Variants in LRP4 observed in about 807,000 individuals in gnomAD.
LRP4 encodes the protein low-density lipoprotein receptor-related protein 4.
In LRP4, 95 loss-of-function variants were observed where a neutral mutation model predicts 220.3. The observed-to-expected ratio is 0.43, with a 90% CI of 0.37 to 0.51. The LOEUF is 0.51. LRP4 is among the 20% of genes least tolerant of loss of function. LRP4 has a pLI of 0.00. For missense variants in LRP4, 1,925 were observed against 2,567.0 expected, an observed-to-expected ratio of 0.75 and a Z score of 5.40; for synonymous variants, 903 against 954.6, an observed-to-expected ratio of 0.95 and a Z score of 1.00.
chr11:46,886,495 T>C lies in LRP4; in HGVS notation c.2254A>G (p.Ile752Val). 3 of 1,614,184 alleles carry C rather than the reference T, an allele frequency of 1.9e-6. No homozygotes were observed. Among genetic ancestry groups the C allele is most frequent in the South Asian group, 1.1e-5 (1 of 91,080 alleles). The change falls in exon 17 of 38, where the codon ATC (isoleucine) becomes GTC (valine). Residue 752 changes from isoleucine (I) to valine (V), a missense_variant. This residue lies in a region of LRP4 where 1,244 missense variants were observed against 1,624.9 expected (regional missense o/e 0.77). Coordinates refer to ENST00000378623, the MANE Select transcript of LRP4 (RefSeq NM_002334.4). ...KFLLFARRMD[I>V]RRISFDTEDL... ...TCTGTGTCAAAGCTGATTCGACGGA[T>C]GTCCATCCTTCGGGCAAAAAGCAGG... is the stretch of plus-strand genomic sequence containing the variant.
chr11:46,875,239 G>C lies in LRP4; in HGVS notation c.3926-136C>G, dbSNP rs1002778827. The C allele has an allele frequency of 9.9e-7, 1 of 1,009,544 alleles. No individual in the cohort carries two copies. The highest frequency in any genetic ancestry group is 1.5e-6 in the Non-Finnish European group (1 of 668,176). The allele number at this position is 1,009,544 out of a possible 1,614,324, so 62.5% of individuals were successfully genotyped here. The stretch of plus-strand genomic sequence containing the variant: ...AGTGCCTGGCAGGGTGAGGTAGAAG[G>C]AGGGTCTGCAGGAGGATCTCCAGGA... On this transcript the variant is annotated intron_variant, in intron 27 of 37. Transcript: ENST00000378623. The surrounding 1 kb of genome is among the most constrained non-coding windows in gnomAD (Gnocchi z 4.5).
In LRP4 at chr11:46,890,325, C is replaced by T. The variant is rs1349342637; in HGVS notation, c.1867G>A (p.Glu623Lys). The T allele has an allele frequency of 3.1e-6, 5 of 1,614,038 alleles. No individual in the cohort carries two copies. Among genetic ancestry groups the T allele is most frequent in the Non-Finnish European group, 2.5e-6 (3 of 1,180,042 alleles). ...YWVDAKHHVI[E>K]RANLDGSHRK... Reference sequence around the variant, plus strand: ...TGACTCCCATCCAGATTGGCCCTCTCGATGACATGGTGCTTAGCATCCACC... The same window carrying T: ...TGACTCCCATCCAGATTGGCCCTCTTGATGACATGGTGCTTAGCATCCACC... The change falls in exon 14 of 38, where the codon GAG becomes AAG. Residue 623 changes from glutamate (E) to lysine (K), a missense_variant. By Grantham distance (56) the Glu-to-Lys change is moderately conservative (BLOSUM62 1). This residue lies in a region of LRP4 where 269 missense variants were observed against 436.7 expected (regional missense o/e 0.62). Coordinates refer to ENST00000378623, the MANE Select transcript of LRP4 (RefSeq NM_002334.4). This position sits in a 1 kb window ranked among gnomAD's most constrained non-coding sequence, Gnocchi z 5.3.
rs773770584 is a variant in LRP4, at chr11:46,898,666, G to C, written c.688C>G (p.Pro230Ala). Residue 230 changes from proline to alanine, a missense_variant, in exon 7 of 38, where the codon CCC becomes GCC. This residue lies in a region of LRP4 where 412 missense variants were observed against 505.4 expected (regional missense o/e 0.82). Coordinates refer to ENST00000378623, the MANE Select transcript of LRP4 (RefSeq NM_002334.4). ...CACATGAACTCCCCAGAGCGGCAGGGCTGGTGGGAGGCTAGGGAAACACAA... is the reference window on the plus strand; with the variant it reads ...CACATGAACTCCCCAGAGCGGCAGGCCTGGTGGGAGGCTAGGGAAACACAA... ...SDESDCSSHQ[P>A]CRSGEFMCDS... 17 of 1,613,970 alleles carry C rather than the reference G, an allele frequency of 1.1e-5. No homozygotes were observed. In the Admixed American group the frequency reaches 2.8e-4, roughly 27 times the overall value.
At chr11:46,903,766 T>G (rs1235216610) in intron 1 of LRP4, among the ~76,000 whole-genome samples, 3 of 152,192 alleles carry the variant, frequency 2.0e-5, no homozygotes, top group Non-Finnish European at 1.5e-5. Flanking sequence ...GGAAGCAGGG[T>G]GGGCTGCTCT....
At chr11:46,916,944 G>C (rs1381560226) in intron 1 of LRP4, among the ~76,000 whole-genome samples, 1 of 152,234 alleles carries the variant, frequency 6.6e-6, no homozygotes, top group African/African-American at 2.4e-5. Flanking sequence ...AGAGAGCCGG[G>C]GAGGGGAGAG....
rs763672403 is a variant in LRP4 at position 46,881,876 on chromosome 11, C to T, written c.2640G>A (p.Ala880=). 3.1e-6 allele frequency: 5 copies of T among 1,614,188 alleles called. No individual in the cohort carries two copies. Among genetic ancestry groups the T allele is most frequent in the African/African-American group, 1.3e-5 (1 of 75,036 alleles). ...GGYMYWTDWG[A]SPKIERAGMD... ...TGCCAGCTCGTTCAATCTTGGGGCTCGCACCCCAGTCAGTCCAATACATGT... is the reference window on the plus strand; with the variant it reads ...TGCCAGCTCGTTCAATCTTGGGGCTTGCACCCCAGTCAGTCCAATACATGT... Residue 880 remains alanine (A), a synonymous_variant, in exon 20 of 38, where the codon GCG becomes GCA. Transcript: ENST00000378623.
chr11:46,863,259 G>C (rs1398750786), intron 36 of LRP4, among the ~76,000 whole-genome samples: 1 of 152,142 alleles, frequency 6.6e-6, no homozygotes, highest in Non-Finnish European at 1.5e-5. Flanking sequence ...GAGGCACCTA[G>C]CTAAGCTGCA....
chr11:46,873,463 C>G lies in LRP4; in HGVS notation c.4360G>C (p.Ala1454Pro). 1 of 1,614,216 alleles carries G rather than the reference C, an allele frequency of 6.2e-7. No individual in the cohort carries two copies. Among genetic ancestry groups the G allele is most frequent in the Non-Finnish European group, 8.5e-7 (1 of 1,180,038 alleles). The change falls in exon 29 of 38, where the codon GCG becomes CCG. Residue 1454 changes from alanine (A) to proline (P), a missense_variant. Transcript: ENST00000378623. The surrounding 1 kb of genome is among the most constrained non-coding windows in gnomAD (Gnocchi z 4.2). ...WTDTGRNTIE[A>P]SRLDGSCRKV... ...CGGCAGGAACCATCCAGCCTGGACG[C>G]CTCAATGGTATTTCGACCTGTGTCT...
chr11:46,895,488 G>A (rs542731312), intron 10 of LRP4, among the ~76,000 whole-genome samples, 197 bp from the exon 11 acceptor site: 9 of 152,312 alleles, frequency 5.9e-5, no homozygotes, highest in Middle Eastern at 6.8e-3. Context: ...GGCTGAGGCA[G>A]GAGAATGGCT....
At position 46,865,109 on chromosome 11, in the gene LRP4, C is replaced by G. The variant is rs770556484; in HGVS notation, c.5155+10G>C. 26 of 1,559,164 alleles carry G rather than the reference C, an allele frequency of 1.7e-5. No individual in the cohort carries two copies. Among genetic ancestry groups the G allele is most frequent in the Non-Finnish European group, 2.2e-5 (25 of 1,150,552 alleles). On this transcript the variant is annotated intron_variant, in intron 35 of 37. Coordinates refer to ENST00000378623, the MANE Select transcript of LRP4 (RefSeq NM_002334.4). Reference sequence around the variant, plus strand: ...TTCTTTTCCGGAACAGTGGGGTACTCAGGGCTTACCTGGAGCAGCAGGAAC... The same window carrying G: ...TTCTTTTCCGGAACAGTGGGGTACTGAGGGCTTACCTGGAGCAGCAGGAAC...
rs113362246 is a variant in LRP4 at position 46,895,491 on chromosome 11, G to C, written c.1184-200C>G. Among the ~76,000 whole-genome samples the C allele has an allele frequency of 0.15, 22,296 of 152,158 alleles. 2,672 individuals carry two copies. The highest frequency in any genetic ancestry group is 0.61 in the East Asian group (3,163 of 5,164). Reference sequence around the variant, plus strand: ...AGCTACTCAAGAGGCTGAGGCAGGAGAATGGCTTGAACCCAGGAGGCGGAG... The same window carrying C: ...AGCTACTCAAGAGGCTGAGGCAGGACAATGGCTTGAACCCAGGAGGCGGAG... On this transcript the variant is annotated intron_variant, in intron 10 of 37. Coordinates refer to ENST00000378623, the MANE Select transcript of LRP4 (RefSeq NM_002334.4).
Position 46,899,980 on chromosome 11 carries a change from T to A in LRP4, c.317-4A>T. 1 of 1,609,386 alleles carries A rather than the reference T, an allele frequency of 6.2e-7. No individual in the cohort carries two copies. The highest frequency in any genetic ancestry group is 8.5e-7 in the Non-Finnish European group (1 of 1,176,300). ...TCCTCCTCACACTCCCGGGGGGCTG[T>A]GGGCACAGAGCAGTCAGGCTGCTGC... On this transcript the variant is annotated splice_polypyrimidine_tract_variant and splice_region_variant and intron_variant, in intron 3 of 37. Transcript: ENST00000378623. The surrounding 1 kb of genome is among the most constrained non-coding windows in gnomAD (Gnocchi z 5.9).
At chr11:46,916,310 C>T (rs1210985346) in intron 1 of LRP4, among the ~76,000 whole-genome samples, 2 of 151,946 alleles carry the variant, frequency 1.3e-5, no homozygotes, top group African/African-American at 4.8e-5. Flanking sequence ...TATGGTGGTG[C>T]ATGCCTGTAG....
At chr11:46,884,328 G>T (rs1307496402) in intron 18 of LRP4, among the ~76,000 whole-genome samples, 1 of 152,170 alleles carries the variant, frequency 6.6e-6, no homozygotes, top group Non-Finnish European at 1.5e-5. Context: ...ATTCAGCCGG[G>T]CGTGGTGGCT....
At chr11:46,905,914 C>A (rs1425850124) in intron 1 of LRP4, among the ~76,000 whole-genome samples, 1 of 150,872 alleles carries the variant, frequency 6.6e-6, no homozygotes, top group Non-Finnish European at 1.5e-5. Flanking sequence ...ATTATCTGGC[C>A]CAAAACATCA....
intron 15 of LRP4, 87 bp downstream of exon 15, chr11:46,889,857 C>T (rs151289954): frequency 6.8e-7 from 1 of 1,472,586 alleles, no homozygotes; most frequent in African/African-American, 1.4e-5. Context: ...GAAATGGCAA[C>T]TCTAAGGGGA....
At chr11:46,911,522 G>C (rs1383603653) in intron 1 of LRP4, among the ~76,000 whole-genome samples, 1 of 150,684 alleles carries the variant, frequency 6.6e-6, no homozygotes, top group Non-Finnish European at 1.5e-5. Context: ...CCATGAGTTC[G>C]AGGCTACAGT....
Position 46,858,473 on chromosome 11 carries a change from C to T in LRP4, c.*510G>A, listed in dbSNP as rs1320013907. The T allele has an allele frequency of 5.1e-6, 1 of 197,242 alleles. No homozygotes were observed. The highest frequency in any genetic ancestry group is 2.3e-5 in the African/African-American group (1 of 43,612). The allele number at this position is 197,242 out of a possible 1,614,324, so 12.2% of individuals were successfully genotyped here. A position where few individuals can be genotyped will look rare whatever the true frequency, so the allele number is the denominator to read the frequency against. ...TGAGGCTGGAGGTTTCCCAGATGCC[C>T]ATACCTGCTGGGCTGATTCTTCCTT... On this transcript the variant is annotated 3_prime_UTR_variant, in exon 38 of 38. Transcript: ENST00000378623.
rs763080924 is a variant in LRP4, at chr11:46,886,327, C to T, written c.2422G>A (p.Glu808Lys). 1.3e-6 allele frequency: 2 copies of T among 1,585,048 alleles called. No homozygotes were observed. Among genetic ancestry groups the T allele is most frequent in the East Asian group, 2.3e-5 (1 of 43,542 alleles). ...AACCTCCCCACGCTGGGCCCTACCT[C>T]CTGTCCTGTTCCATCCCACTTGGCC... ...SRAKWDGTGQ[E>K]VVVDTSLESP... is the part of the protein sequence containing the mutation. Residue 808 changes from glutamate to lysine, a missense_variant and splice_region_variant, in exon 17 of 38, where the codon GAG (glutamate) becomes AAG (lysine). Glu to Lys is a moderately conservative substitution (Grantham distance 56). Around this residue, in one of 3 missense-constraint regions of LRP4, gnomAD observed 1,244 missense variants for 1,624.9 expected, o/e 0.77. Coordinates refer to ENST00000378623, the MANE Select transcript of LRP4 (RefSeq NM_002334.4).
Sources: allele counts gnomAD v4.1 joint callset (sites outside exome capture counted in the v4.1 genomes callset), GRCh38; gene constraint gnomAD v4.1.1; regional missense constraint gnomAD v4.1.1; non-coding constraint Gnocchi (gnomAD v3.1); transcripts MANE v1.5; gene names NCBI Gene and HGNC (gene_info 2026-07-23, HGNC 2026-07-21).